RAB38: variants seen among roughly 807,000 people sequenced by gnomAD.
RAB38 encodes RAB38, member RAS oncogene family, also known as ras-related protein Rab-38.
Under a neutral mutation model 18.4 loss-of-function variants are expected in RAB38, and 15 were observed. That is an observed-to-expected ratio of 0.82 (90% CI 0.55 to 1.26). The LOEUF is 1.26. Ranked by LOEUF, RAB38 falls within the 50% of genes most tolerant of loss-of-function variation. The pLI, the probability that RAB38 is intolerant of heterozygous loss-of-function variation, is 0.00. For synonymous variants in RAB38, 101 were observed against 104.4 expected (o/e 0.97, Z 0.20); for missense variants, 294 against 267.4 (o/e 1.10, Z -0.69).
chr11:87,882,934 T>G, the RAB38 span, among the ~76,000 whole-genome samples: 1 of 151,922 alleles, frequency 6.6e-6, no homozygotes, highest in Non-Finnish European at 1.5e-5. Context: ...CCATTTTTAT[T>G]GCTCTAAAAG....
the RAB38 span, among the ~76,000 whole-genome samples, chr11:87,833,477 C>G: frequency 6.6e-6 from 1 of 152,182 alleles, no homozygotes. Context: ...TCATTAGAAA[C>G]TGGTCCCCAT....
chr11:87,835,900 C>T, the RAB38 span, among the ~76,000 whole-genome samples: 2 of 152,180 alleles, frequency 1.3e-5, no homozygotes, highest in Admixed American at 1.3e-4. Context: ...ACATAGTAAT[C>T]CCTTGCTTTG....
At chr11:87,931,683 C>T in the RAB38 span, among the ~76,000 whole-genome samples, 2 of 152,088 alleles carry the variant, frequency 1.3e-5, no homozygotes, top group African/African-American at 4.8e-5. Context: ...CTTCTGTTAG[C>T]TTTGATGATT....
At chr11:87,941,237 A>ATATATATATATG in the RAB38 span, among the ~76,000 whole-genome samples, 2 of 123,630 alleles carry the variant, frequency 1.6e-5, no homozygotes, top group Non-Finnish European at 3.5e-5. Flanking sequence ...ATATATATAT[A>ATATATATATATG]TATATATATG....
chr11:88,076,983 A>AT, the RAB38 span, among the ~76,000 whole-genome samples: 1 of 56,108 alleles, frequency 1.8e-5, no homozygotes, highest in Non-Finnish European at 3.2e-5. Context: ...AAAGAAAGAA[A>AT]GAAAGAAAAG....
the RAB38 span, among the ~76,000 whole-genome samples, chr11:87,828,307 C>T: frequency 3.3e-5 from 5 of 151,938 alleles, no homozygotes; most frequent in African/African-American, 9.7e-5. Context: ...ATCAAGAATG[C>T]CTTGTTCCTT....
the RAB38 span, among the ~76,000 whole-genome samples, chr11:88,026,697 A>C: frequency 6.6e-6 from 1 of 151,416 alleles, no homozygotes; most frequent in East Asian, 2.0e-4. Context: ...TAAAATTCTT[A>C]TAGGAAAAGT....
At chr11:87,899,337 G>A in the RAB38 span, among the ~76,000 whole-genome samples, 4 of 151,570 alleles carry the variant, frequency 2.6e-5, no homozygotes, top group African/African-American at 4.8e-5. Flanking sequence ...GCACTGTCTG[G>A]TACTAGTCTA....
chr11:88,034,885 G>T, the RAB38 span, among the ~76,000 whole-genome samples: 2 of 152,180 alleles, frequency 1.3e-5, no homozygotes, highest in African/African-American at 2.4e-5. Context: ...GTGAGTCATA[G>T]ATCTGCATGT....
the RAB38 span, among the ~76,000 whole-genome samples, chr11:87,952,426 TTATTTTC>T: frequency 3.3e-5 from 5 of 152,198 alleles, no homozygotes; most frequent in African/African-American, 1.2e-4. Flanking sequence ...ATCTTGTTTC[TTATTTTC>T]TGTTGATGTA....
At chr11:88,118,147 C>A (rs571526243) in intron 2 of RAB38, among the ~76,000 whole-genome samples, 2 of 152,312 alleles carry the variant, frequency 1.3e-5, no homozygotes, top group African/African-American at 2.4e-5. Context: ...AGCTCCCCCC[C>A]AAATATATCC....
the RAB38 span, among the ~76,000 whole-genome samples, chr11:87,862,134 C>A: frequency 6.6e-6 from 1 of 151,804 alleles, no homozygotes; most frequent in Non-Finnish European, 1.5e-5. Context: ...AGACAAATAC[C>A]ATTTGACCCA....
chr11:87,919,557 T>C, the RAB38 span, among the ~76,000 whole-genome samples: 1 of 150,224 alleles, frequency 6.7e-6, no homozygotes, highest in Non-Finnish European at 1.5e-5. Context: ...TGGCCTGTAA[T>C]TTTTTTTTTC....
chr11:88,131,393 T>C (rs1942766425), intron 2 of RAB38, among the ~76,000 whole-genome samples: 1 of 152,336 alleles, frequency 6.6e-6, no homozygotes, highest in East Asian at 1.9e-4. Flanking sequence ...AATTTTACCC[T>C]GGCTATCAAT....
At chr11:87,888,012 T>C in the RAB38 span, among the ~76,000 whole-genome samples, 1 of 151,894 alleles carries the variant, frequency 6.6e-6, no homozygotes, top group Non-Finnish European at 1.5e-5. Flanking sequence ...ACTCTTTTCC[T>C]GAAGATTTTT....
At chr11:88,141,010 A>G (rs1942905258) in intron 2 of RAB38, among the ~76,000 whole-genome samples, 1 of 152,336 alleles carries the variant, frequency 6.6e-6, no homozygotes, top group African/African-American at 2.4e-5. Context: ...AAACAAGTCC[A>G]TGGCTAGAGA....
At chr11:87,844,290 T>G in the RAB38 span, among the ~76,000 whole-genome samples, 3 of 152,222 alleles carry the variant, frequency 2.0e-5, no homozygotes, top group African/African-American at 7.2e-5. Context: ...GGTTTTTGTT[T>G]AACCCACGAG....
At chr11:88,067,800 T>A in the RAB38 span, among the ~76,000 whole-genome samples, 1 of 151,936 alleles carries the variant, frequency 6.6e-6, no homozygotes, top group African/African-American at 2.4e-5. Flanking sequence ...CTAATGTATG[T>A]GGAGCTTAAA....
At position 88,173,484 on chromosome 11, in the gene RAB38, A is replaced by G. The variant is rs374679580; in HGVS notation, c.202+1699T>C. ...GCAGTTCAACTCTGGAATTTGGGCT[A>G]TTAATCACTGTACCCTTCCATCTCT... On this transcript the variant is annotated intron_variant, in intron 1 of 2. Coordinates refer to ENST00000243662, the MANE Select transcript of RAB38 (RefSeq NM_022337.3). The G allele has an allele frequency of 8.8e-5, 86 of 973,638 alleles. 1 individual carries two copies. In the African/African-American group the frequency reaches 1.3e-3, roughly 14 times the overall value. The allele number at this position is 973,638 out of a possible 1,614,324, so 60.3% of individuals were successfully genotyped here. A position where few individuals can be genotyped will look rare whatever the true frequency, so the allele number is the denominator to read the frequency against.
Sources: gnomAD v4.1 joint callset for allele counts (sites outside exome capture counted in the v4.1 genomes callset) on GRCh38, gnomAD v4.1.1 for gene constraint, MANE v1.5 for transcripts, NCBI Gene and HGNC (gene_info 2026-07-23, HGNC 2026-07-21) for gene names.